The following CCDC148 variants were observed in gnomAD, a reference collection of about 807,000 sequenced individuals.
The protein encoded by CCDC148 is coiled-coil domain-containing protein 148.
Under a neutral mutation model 85.7 loss-of-function variants are expected in CCDC148, and 89 were observed. That is an observed-to-expected ratio of 1.04 (90% CI 0.87 to 1.24). CCDC148 has a LOEUF of 1.24. Ranked by LOEUF, CCDC148 falls within the 50% of genes most tolerant of loss-of-function variation. The probability of loss-of-function intolerance (pLI) is 0.00; values close to 1 mark genes in which losing one functional copy is unlikely to be tolerated. For synonymous variants in CCDC148, 230 were observed against 213.9 expected, an observed-to-expected ratio of 1.08 and a Z score of -0.66; for missense variants, 692 against 671.7, an observed-to-expected ratio of 1.03 and a Z score of -0.33.
chr2:158,331,000 C>T (rs1693078276), intron 7 of CCDC148, among the ~76,000 whole-genome samples: 1 of 152,140 alleles, frequency 6.6e-6, no homozygotes, highest in Non-Finnish European at 1.5e-5. Flanking sequence ...TTTTCTGTCT[C>T]TATTTCCTTC....
At chr2:158,426,898 T>C (rs1687104471) in intron 1 of CCDC148, among the ~76,000 whole-genome samples, 1 of 152,182 alleles carries the variant, frequency 6.6e-6, no homozygotes, top group African/African-American at 2.4e-5. Context: ...ATTCTGCTTA[T>C]TCTTTTAACA....
chr2:158,315,865 C>T (rs948528926), intron 7 of CCDC148, among the ~76,000 whole-genome samples: 6 of 152,166 alleles, frequency 3.9e-5, no homozygotes, highest in Admixed American at 6.5e-5. Flanking sequence ...AGCCTACTTG[C>T]CTCCAGAGAG....
At chr2:158,328,210 G>A (rs1692889763) in intron 7 of CCDC148, among the ~76,000 whole-genome samples, 1 of 152,008 alleles carries the variant, frequency 6.6e-6, no homozygotes, top group African/African-American at 2.4e-5. Flanking sequence ...TGCCCTTCCT[G>A]TGTCCATGTG....
chr2:158,289,663 A>T (rs1487015682), intron 9 of CCDC148, among the ~76,000 whole-genome samples: 2 of 152,188 alleles, frequency 1.3e-5, no homozygotes, highest in Non-Finnish European at 2.9e-5. Context: ...GTTAGGAAAA[A>T]AATGCAGTGG....
rs76254409 is a variant in CCDC148, at chr2:158,236,860, A to G, written c.1251+13912T>C. On this transcript the variant is annotated intron_variant, in intron 10 of 13. Coordinates refer to ENST00000283233, the MANE Select transcript of CCDC148 (RefSeq NM_138803.4). The stretch of plus-strand genomic sequence containing the variant: ...CTAAAGCAATAAAGAAACTAGACAA[A>G]TTCTCTTTTCTCATGGGGCTTACAT... Among the ~76,000 whole-genome samples, 567 of 152,256 alleles carry G rather than the reference A, an allele frequency of 3.7e-3. 4 individuals carry two copies. The highest frequency in any genetic ancestry group is 0.013 in the African/African-American group (549 of 41,550).
intron 11 of CCDC148, among the ~76,000 whole-genome samples, chr2:158,188,900 CAAAT>C (rs1290113937): frequency 6.6e-6 from 1 of 151,706 alleles, no homozygotes; most frequent in African/African-American, 2.4e-5. Context: ...GAAAAAGAAA[CAAAT>C]AAACCCATTA....
intron 9 of CCDC148, among the ~76,000 whole-genome samples, chr2:158,295,851 CAT>C (rs1483775006): frequency 2.6e-5 from 4 of 151,630 alleles, no homozygotes; most frequent in African/African-American, 9.7e-5. Flanking sequence ...TCCTATTCAA[CAT>C]AGTGTTGGAA....
In CCDC148 at chr2:158,450,777, G is replaced by T. The variant is rs192291686; in HGVS notation, c.25+5638C>A. On this transcript the variant is annotated intron_variant, in intron 1 of 13. Transcript: ENST00000283233. ...AGCAGGCTAAGATGTATCTAGTTGT[G>T]CCTCTCTTTATGTTTATTCTATTTG... is the stretch of plus-strand genomic sequence containing the variant. Among the ~76,000 whole-genome samples the T allele has an allele frequency of 7.9e-5, 12 of 152,054 alleles. No individual in the cohort carries two copies. The East Asian group carries it at 1.5e-3, about 20-fold the overall frequency.
intron 1 of CCDC148, among the ~76,000 whole-genome samples, chr2:158,367,658 T>C (rs1684261891): frequency 6.6e-6 from 1 of 152,146 alleles, no homozygotes; most frequent in Non-Finnish European, 1.5e-5. Flanking sequence ...GACATTAGAA[T>C]ATATTCTGGA....
Position 158,250,853 on chromosome 2 carries a change from G to A in CCDC148, c.1170C>T (p.Ala390=). The change falls in exon 10 of 14, where the codon GCC becomes GCT. Residue 390 remains alanine (A), a synonymous_variant. Coordinates refer to ENST00000283233, the MANE Select transcript of CCDC148 (RefSeq NM_138803.4). ...TCTCCTCTTCCTTTTCTCTTCTTCT[G>A]GCAGAAATTTCCATTTCCAGTCTTG... ...EVARLEMEIS[A]RRREKEEEKE... 1 of 1,599,804 alleles carries A rather than the reference G, an allele frequency of 6.3e-7. No individual in the cohort carries two copies. The highest frequency in any genetic ancestry group is 8.5e-7 in the Non-Finnish European group (1 of 1,175,078).
intron 1 of CCDC148, among the ~76,000 whole-genome samples, chr2:158,443,043 T>C (rs1333537039): frequency 6.6e-6 from 1 of 152,006 alleles, no homozygotes; most frequent in Non-Finnish European, 1.5e-5. Flanking sequence ...TTTTTGTTTG[T>C]TTGTTTGTTT....
At chr2:158,278,767 G>C (rs944592960) in intron 9 of CCDC148, among the ~76,000 whole-genome samples, 5 of 152,280 alleles carry the variant, frequency 3.3e-5, no homozygotes, top group African/African-American at 9.6e-5. Flanking sequence ...CAGCTTTGAA[G>C]AGAGCAGTGG....
At chr2:158,359,331 A>G (rs1273879477) in intron 1 of CCDC148, among the ~76,000 whole-genome samples, 4 of 152,224 alleles carry the variant, frequency 2.6e-5, no homozygotes, top group Non-Finnish European at 5.9e-5. Flanking sequence ...GACTATAGGA[A>G]GCTCTCAAAT....
At chr2:158,273,658 G>A (rs1183397694) in intron 9 of CCDC148, among the ~76,000 whole-genome samples, 1 of 152,112 alleles carries the variant, frequency 6.6e-6, no homozygotes, top group Non-Finnish European at 1.5e-5. Flanking sequence ...ATTCCCTCTA[G>A]TATTTCTGTG....
chr2:158,286,076 G>C (rs1690610498), intron 9 of CCDC148, among the ~76,000 whole-genome samples: 1 of 151,974 alleles, frequency 6.6e-6, no homozygotes, highest in South Asian at 2.1e-4. Flanking sequence ...AGAATTCATA[G>C]TACTCATATT....
chr2:158,429,101 A>G (rs575379028), intron 1 of CCDC148, among the ~76,000 whole-genome samples: 159 of 149,730 alleles, frequency 1.1e-3, no homozygotes, highest in South Asian at 4.1e-3. Flanking sequence ...ACACTTGGAC[A>G]CAGGGTGGGG....
At chr2:158,314,359 C>T (rs1335182865) in intron 7 of CCDC148, among the ~76,000 whole-genome samples, 1 of 152,088 alleles carries the variant, frequency 6.6e-6, no homozygotes, top group Non-Finnish European at 1.5e-5. Context: ...GAGGAAGAGA[C>T]TTATTTAAGG....
At chr2:158,335,986 T>C (rs1682356182) in intron 7 of CCDC148, among the ~76,000 whole-genome samples, 1 of 152,148 alleles carries the variant, frequency 6.6e-6, no homozygotes, top group Admixed American at 6.5e-5. Flanking sequence ...TCCACTGCCT[T>C]CAGCCAATGA....
intron 9 of CCDC148, among the ~76,000 whole-genome samples, chr2:158,271,412 T>C (rs2105162787): frequency 6.6e-6 from 1 of 152,250 alleles, no homozygotes; most frequent in South Asian, 2.1e-4. Flanking sequence ...CTGTTCTGAG[T>C]AGTGCGATGA....
Sources: gnomAD v4.1 joint callset for allele counts (sites outside exome capture counted in the v4.1 genomes callset) on GRCh38, gnomAD v4.1.1 for gene constraint, MANE v1.5 for transcripts, NCBI Gene and HGNC (gene_info 2026-07-23, HGNC 2026-07-21) for gene names.